The following AHRR variants were observed in gnomAD, a reference collection of about 807,000 sequenced individuals.
AHRR encodes the protein aryl hydrocarbon receptor repressor.
A neutral mutation model predicts 44.0 loss-of-function variants in AHRR; 28 were observed. The ratio of observed to expected loss-of-function variants is 0.64; its 90% CI spans 0.47 to 0.87. The LOEUF (loss-of-function observed/expected upper bound fraction) is 0.87. Among genes scored for constraint, AHRR ranks in the 40% least tolerant of loss-of-function variants. AHRR has a pLI of 0.00. For synonymous variants in AHRR, 434 were observed against 407.0 expected, an observed-to-expected ratio of 1.07 and a Z score of -0.80; for missense variants, 990 against 953.9, an observed-to-expected ratio of 1.04 and a Z score of -0.50.
chr5:420,200 G>A (rs985296131), intron 5 of AHRR, among the ~76,000 whole-genome samples: 1 of 152,246 alleles, frequency 6.6e-6, no homozygotes, highest in Non-Finnish European at 1.5e-5. Context: ...ACTGAAGGAG[G>A]AGCCGTTGGC....
chr5:347,732 C>T lies in AHRR; in HGVS notation c.62+3768C>T, dbSNP rs373147324. ...CGTGTCTTTCTCCATGGAGGGGCTG[C>T]TGGCACGTGCAGGGGTCCTGGGAAC... On this transcript the variant is annotated intron_variant, in intron 2 of 10. Coordinates refer to ENST00000684583, the MANE Select transcript of AHRR (RefSeq NM_001377236.1). Among the ~76,000 whole-genome samples the T allele has an allele frequency of 2.6e-5, 4 of 152,342 alleles. No individual in the cohort carries two copies. In the East Asian group the frequency reaches 5.8e-4, roughly 22 times the overall value.
chr5:343,571 G>A (rs1742442309), intron 1 of AHRR: 2 of 369,902 alleles, frequency 5.4e-6, no homozygotes, highest in Admixed American at 5.2e-5. Flanking sequence ...TTCCTCGATG[G>A]CTTCCTCCTC....
Position 370,141 on chromosome 5 carries a change from T to TCCTCCCGGGCCCTCGCTGGAA in AHRR, c.245-6469_245-6468insCCTCCCGGGCCCTCGCTGGAA, listed in dbSNP as rs1560895136. ...CCCCGTCCTCCCGGGCCCTCGCTGG[T>TCCTCCCGGGCCCTCGCTGGAA]GCCCCGTCCTCCCGGGCCCTCGCTG... On this transcript the variant is annotated intron_variant, in intron 3 of 10. Coordinates refer to ENST00000684583, the MANE Select transcript of AHRR (RefSeq NM_001377236.1). This position sits in a 1 kb window ranked among gnomAD's most constrained non-coding sequence, Gnocchi z 4.5. Among the ~76,000 whole-genome samples, 23 of 105,250 alleles carry TCCTCCCGGGCCCTCGCTGGAA rather than the reference T, an allele frequency of 2.2e-4. No individual in the cohort carries two copies. The highest frequency in any genetic ancestry group is 2.9e-4 in the Non-Finnish European group (14 of 47,920). The allele number at this position is 105,250 out of a possible 152,430, so 69.0% of individuals were successfully genotyped here.
intron 3 of AHRR, among the ~76,000 whole-genome samples, chr5:361,082 C>T (rs918048663): frequency 6.6e-6 from 1 of 152,028 alleles, no homozygotes; most frequent in Admixed American, 6.6e-5. Flanking sequence ...AACCCCATCT[C>T]TACTAAAAAT....
intron 8 of AHRR, among the ~76,000 whole-genome samples, chr5:431,680 G>C (rs1412808762): frequency 6.6e-6 from 1 of 151,830 alleles, no homozygotes; most frequent in East Asian, 1.9e-4. Flanking sequence ...TTTTCCCACA[G>C]GGGTTTTGTG....
At chr5:392,834 C>T (rs1316291651) in intron 4 of AHRR, among the ~76,000 whole-genome samples, 2 of 152,072 alleles carry the variant, frequency 1.3e-5, no homozygotes, top group Non-Finnish European at 2.9e-5. Flanking sequence ...CGTGGCCGCC[C>T]CAGGCTTACT....
At position 387,081 on chromosome 5, in the gene AHRR, C is replaced by A. The variant is rs1218366401; in HGVS notation, c.351+10365C>A. Among the ~76,000 whole-genome samples the A allele has an allele frequency of 6.6e-6, 1 of 152,266 alleles. No homozygotes were observed. Among genetic ancestry groups the A allele is most frequent in the Non-Finnish European group, 1.5e-5 (1 of 68,052 alleles). On this transcript the variant is annotated intron_variant, in intron 4 of 10. Coordinates refer to ENST00000684583, the MANE Select transcript of AHRR (RefSeq NM_001377236.1). This position sits in a 1 kb window ranked among gnomAD's most constrained non-coding sequence, Gnocchi z 5.1. ...GCCTCTGCTGCACGGGGTGGGTCTGCCCCTGACAGGCAGTCCTTGGGGCCT... is the reference window on the plus strand; with the variant it reads ...GCCTCTGCTGCACGGGGTGGGTCTGACCCTGACAGGCAGTCCTTGGGGCCT...
intron 4 of AHRR, among the ~76,000 whole-genome samples, chr5:396,552 C>T (rs946809330): frequency 1.3e-5 from 2 of 152,352 alleles, no homozygotes; most frequent in Admixed American, 1.3e-4. Context: ...CTGGCATTTT[C>T]TGCCGCTTCT....
At chr5:335,830 C>A (rs1474285090) in intron 1 of AHRR, among the ~76,000 whole-genome samples, 1 of 152,230 alleles carries the variant, frequency 6.6e-6, no homozygotes, top group Non-Finnish European at 1.5e-5. Context: ...GGCTGTAGGC[C>A]CTGCACAGCT....
chr5:334,902 CT>C (rs1742068848), intron 1 of AHRR, among the ~76,000 whole-genome samples: 1 of 152,058 alleles, frequency 6.6e-6, no homozygotes, highest in African/African-American at 2.4e-5. Context: ...GGGTAGGGCC[CT>C]TTGGATTTAC....
intron 1 of AHRR, among the ~76,000 whole-genome samples, chr5:333,011 GT>G (rs1741985724): frequency 6.9e-6 from 1 of 145,062 alleles, no homozygotes; most frequent in Non-Finnish European, 1.5e-5. Flanking sequence ...TTCGCTTTTG[GT>G]TTCCGTCTGT....
intron 5 of AHRR, among the ~76,000 whole-genome samples, chr5:417,788 C>G (rs1277514614): frequency 2.6e-5 from 4 of 152,056 alleles, no homozygotes; most frequent in Non-Finnish European, 5.9e-5. Context: ...GCCATTAAAT[C>G]AGGCATTGCC....
intron 1 of AHRR, among the ~76,000 whole-genome samples, chr5:336,859 A>G (rs575371141): frequency 1.1e-4 from 17 of 151,742 alleles, no homozygotes; most frequent in African/African-American, 3.9e-4. Context: ...TAGGGATCCA[A>G]CCTCATTCTT....
Position 337,731 on chromosome 5 carries a change from T to A in AHRR, c.-10-6162T>A, listed in dbSNP as rs1241244825. ...GGGGCTGCGGGAGGCCCCTAAGGAG[T>A]GCGCTTGGAAGGGGGCTCCCTTCCC... On this transcript the variant is annotated intron_variant, in intron 1 of 10. Transcript: ENST00000684583. This position sits in a 1 kb window ranked among gnomAD's most constrained non-coding sequence, Gnocchi z 4.1. Among the ~76,000 whole-genome samples the A allele has an allele frequency of 6.6e-6, 1 of 151,828 alleles. No homozygotes were observed. Among genetic ancestry groups the A allele is most frequent in the African/African-American group, 2.4e-5 (1 of 41,278 alleles).
At chr5:398,087 CCCTGACCATCCACGTAGCT>C (rs1277599226) in intron 4 of AHRR, among the ~76,000 whole-genome samples, 11 of 141,638 alleles carry the variant, frequency 7.8e-5, no homozygotes, top group African/African-American at 2.4e-4. Flanking sequence ...TCCACGTAGC[CCCTGACCATCCACGTAGCT>C]CCTGACCATC....
chr5:421,266 G>A, intron 5 of AHRR: 1 of 698,618 alleles, frequency 1.4e-6, no homozygotes, highest in Non-Finnish European at 2.6e-6. Flanking sequence ...CGGATGCCGT[G>A]TGCAGGCACG....
At chr5:367,364 T>C (rs1229961487) in intron 3 of AHRR, among the ~76,000 whole-genome samples, 1 of 152,240 alleles carries the variant, frequency 6.6e-6, no homozygotes, top group Non-Finnish European at 1.5e-5. Flanking sequence ...GCACTTGTCA[T>C]TTTGGGCAGC....
chr5:367,424 G>A (rs990014027), intron 3 of AHRR, among the ~76,000 whole-genome samples: 5 of 152,234 alleles, frequency 3.3e-5, no homozygotes, highest in African/African-American at 9.6e-5. Flanking sequence ...CTTCCTCACC[G>A]CCCATCATGA....
intron 7 of AHRR, among the ~76,000 whole-genome samples, chr5:427,232 T>C (rs1346569291): frequency 1.3e-5 from 2 of 152,258 alleles, no homozygotes; most frequent in East Asian, 3.8e-4. Flanking sequence ...TACATCAGCC[T>C]TCCCTTTGTA....
Sources: gnomAD v4.1 joint callset for allele counts (sites outside exome capture counted in the v4.1 genomes callset) on GRCh38, gnomAD v4.1.1 for gene constraint, Gnocchi (gnomAD v3.1) non-coding constraint, MANE v1.5 for transcripts, NCBI Gene and HGNC (gene_info 2026-07-23, HGNC 2026-07-21) for gene names.